The following FOXP1 variants were observed in gnomAD, a reference collection of about 807,000 sequenced individuals.
The protein encoded by FOXP1 is forkhead box protein P1.
FOXP1 carries 15 observed loss-of-function variants against 98.2 expected under a neutral mutation model. That is an observed-to-expected ratio of 0.15 (90% CI 0.10 to 0.24). The LOEUF (loss-of-function observed/expected upper bound fraction) is 0.24, where lower values mean the gene tolerates loss of function less well. Ranked by LOEUF, FOXP1 falls within the 10% of genes least tolerant of loss-of-function variation. The pLI, the probability that FOXP1 is intolerant of heterozygous loss-of-function variation, is 1.00. For synonymous variants in FOXP1, 371 were observed against 314.5 expected (o/e 1.18, Z -1.90); for missense variants, 633 against 848.5 (o/e 0.75, Z 3.15).
chr3:71,126,883 ACAAAAAC>A (rs2059238234), intron 6 of FOXP1, among the ~76,000 whole-genome samples: 1 of 101,822 alleles, frequency 9.8e-6, no homozygotes, highest in African/African-American at 3.1e-5. Flanking sequence ...AAAAAAAAAA[ACAAAAAC>A]AAAAAAAAAA....
Position 71,198,300 on chromosome 3 carries a change from C to T in FOXP1, c.82G>A (p.Glu28Lys), listed in dbSNP as rs2063428325. ...CGCCCCTCCCGAAGACCGCCGCACT[C>T]TAGTAAGTGGTTGCTGCCGCCCGAC... ...NGSGGSNHLL[E>K]CGGLREGRSN... is the part of the protein sequence containing the mutation. Residue 28 changes from glutamate to lysine, a missense_variant, in exon 6 of 21, where the codon GAG (glutamate) becomes AAG (lysine). Transcript: ENST00000649528. The T allele has an allele frequency of 6.2e-7, 1 of 1,614,016 alleles. No homozygotes were observed. The highest frequency in any genetic ancestry group is 8.5e-7 in the Non-Finnish European group (1 of 1,180,052).
At chr3:71,181,367 C>T (rs1019320507) in intron 6 of FOXP1, among the ~76,000 whole-genome samples, 2 of 152,140 alleles carry the variant, frequency 1.3e-5, no homozygotes, top group Non-Finnish European at 2.9e-5. Context: ...GCTATTGTGC[C>T]AAGGTCAATA....
chr3:71,422,666 A>T (rs2083754072), intron 3 of FOXP1, among the ~76,000 whole-genome samples: 1 of 152,248 alleles, frequency 6.6e-6, no homozygotes, highest in South Asian at 2.1e-4. Context: ...CCAAGCTGCA[A>T]CAAGTCCTTC....
At chr3:71,189,322 G>C (rs1443760992) in intron 6 of FOXP1, among the ~76,000 whole-genome samples, 1 of 152,090 alleles carries the variant, frequency 6.6e-6, no homozygotes, top group African/African-American at 2.4e-5. Flanking sequence ...ATGATCAATG[G>C]GAACACAAGC....
chr3:71,104,444 C>G (rs577850262), intron 7 of FOXP1, among the ~76,000 whole-genome samples: 19 of 152,204 alleles, frequency 1.2e-4, no homozygotes, highest in Non-Finnish European at 2.4e-4. Context: ...TAAGAAGAAT[C>G]ACTTCTTAGG....
intron 11 of FOXP1, among the ~76,000 whole-genome samples, chr3:71,040,964 A>C (rs2106862323): frequency 6.6e-6 from 1 of 152,310 alleles, no homozygotes; most frequent in African/African-American, 2.4e-5. Flanking sequence ...TGCCCACAGC[A>C]GACACTACTA....
At chr3:71,023,657 T>C (rs1391208232) in intron 11 of FOXP1, among the ~76,000 whole-genome samples, 1 of 152,210 alleles carries the variant, frequency 6.6e-6, no homozygotes, top group Non-Finnish European at 1.5e-5. Flanking sequence ...ATAGCTTACT[T>C]TCAATGAGAT....
intron 5 of FOXP1, among the ~76,000 whole-genome samples, chr3:71,202,133 G>A (rs2063716763): frequency 1.3e-5 from 2 of 152,202 alleles, no homozygotes; most frequent in South Asian, 4.1e-4. Context: ...TTTGCTCCAT[G>A]CAGTTCCAAA....
intron 6 of FOXP1, among the ~76,000 whole-genome samples, chr3:71,185,419 T>A (rs2062587044): frequency 6.6e-6 from 1 of 152,224 alleles, no homozygotes; most frequent in Admixed American, 6.5e-5. Context: ...CAACTATTTT[T>A]AAATTAGGTA....
intron 5 of FOXP1, among the ~76,000 whole-genome samples, chr3:71,264,908 T>A (rs1242380611): frequency 6.6e-6 from 1 of 152,162 alleles, no homozygotes; most frequent in Admixed American, 6.5e-5. Context: ...TTTCCCCCTA[T>A]CATACAGTTG....
intron 4 of FOXP1, among the ~76,000 whole-genome samples, chr3:71,300,576 A>G (rs2073757980): frequency 6.6e-6 from 1 of 152,206 alleles, no homozygotes; most frequent in Non-Finnish European, 1.5e-5. Context: ...CTGCATCTGC[A>G]TACTCCCGTA....
intron 12 of FOXP1, 102 bp downstream of exon 12, chr3:71,015,447 T>A: frequency 1.4e-6 from 1 of 726,110 alleles, no homozygotes; most frequent in African/African-American, 1.7e-5. Flanking sequence ...CTCAAAGGGG[T>A]GAGGTGAAAC....
At chr3:71,359,040 TAGAA>T in intron 4 of FOXP1, 106 bp downstream of exon 4, 1 of 152,230 alleles carries the variant, frequency 6.6e-6, no homozygotes, top group East Asian at 1.9e-4. Context: ...GCCTGATAAT[TAGAA>T]AGGCCATTAT....
intron 14 of FOXP1, among the ~76,000 whole-genome samples, chr3:70,981,703 C>T (rs1223760556): frequency 6.6e-6 from 1 of 152,190 alleles, no homozygotes; most frequent in Non-Finnish European, 1.5e-5. Context: ...ATTCCAAAAC[C>T]AAGTGCCAAG....
At chr3:71,421,336 C>G (rs1238423551) in intron 3 of FOXP1, among the ~76,000 whole-genome samples, 1 of 152,196 alleles carries the variant, frequency 6.6e-6, no homozygotes, top group Non-Finnish European at 1.5e-5. Context: ...ATGTCATCCT[C>G]TACCCTCAGG....
At chr3:71,403,213 A>G (rs1259459416) in intron 3 of FOXP1, among the ~76,000 whole-genome samples, 1 of 152,220 alleles carries the variant, frequency 6.6e-6, no homozygotes, top group Non-Finnish European at 1.5e-5. Context: ...TGTGGCGTGT[A>G]CATGTCTCTT....
chr3:71,321,068 A>C (rs2075359767), intron 4 of FOXP1, among the ~76,000 whole-genome samples: 1 of 149,832 alleles, frequency 6.7e-6, no homozygotes, highest in Non-Finnish European at 1.5e-5. Flanking sequence ...GAGATTCACT[A>C]TGCACCCCTA....
chr3:71,220,376 A>G (rs758002677), intron 5 of FOXP1, among the ~76,000 whole-genome samples: 5 of 152,232 alleles, frequency 3.3e-5, no homozygotes, highest in Non-Finnish European at 7.3e-5. Flanking sequence ...GGCCACTTTC[A>G]GAGTAAAGCA....
chr3:71,472,442 T>C (rs74448053), intron 3 of FOXP1, among the ~76,000 whole-genome samples: 5 of 73,098 alleles, frequency 6.8e-5, no homozygotes, highest in Admixed American at 6.3e-4. Flanking sequence ...ATACTTTTCC[T>C]TTTTTTTTTT....
Sources: allele counts gnomAD v4.1 joint callset (sites outside exome capture counted in the v4.1 genomes callset), GRCh38; gene constraint gnomAD v4.1.1; transcripts MANE v1.5; gene names NCBI Gene and HGNC (gene_info 2026-07-23, HGNC 2026-07-21).